ATP6V0A4: variants seen among roughly 807,000 people sequenced by gnomAD.
ATP6V0A4 encodes the protein V-type proton ATPase 116 kDa subunit a 4.
Under a neutral mutation model 107.3 loss-of-function variants are expected in ATP6V0A4, and 86 were observed. The observed-to-expected ratio is 0.80, with a 90% confidence interval of 0.67 to 0.96. The LOEUF is 0.96. ATP6V0A4 is among the 40% of genes least tolerant of loss of function. ATP6V0A4 has a pLI of 0.00. For missense variants in ATP6V0A4, 908 were observed against 1,045.6 expected (o/e 0.87, Z 1.81); for synonymous variants, 353 against 381.4 (o/e 0.93, Z 0.87).
chr7:138,754,454 A>AC (rs1199328400), intron 10 of ATP6V0A4, among the ~76,000 whole-genome samples: 2 of 151,612 alleles, frequency 1.3e-5, no homozygotes, highest in African/African-American at 4.8e-5. Flanking sequence ...ATCTCAAAAA[A>AC]AAAAAAAAAA....
At chr7:138,745,384 C>T in intron 13 of ATP6V0A4, 104 bp from the exon 14 acceptor site, 1 of 1,545,172 alleles carries the variant, frequency 6.5e-7, no homozygotes, top group Non-Finnish European at 8.9e-7. Flanking sequence ...TGCAGGCACC[C>T]TTGGGGGAGC....
At chr7:138,796,422 T>C (rs1808665455) in intron 1 of ATP6V0A4, among the ~76,000 whole-genome samples, 2 of 152,160 alleles carry the variant, frequency 1.3e-5, no homozygotes, top group Non-Finnish European at 2.9e-5. Context: ...TACACTCCAC[T>C]AGGAAATCTT....
intron 12 of ATP6V0A4, among the ~76,000 whole-genome samples, chr7:138,748,839 C>T (rs1260336205): frequency 6.6e-6 from 1 of 152,118 alleles, no homozygotes; most frequent in Admixed American, 6.5e-5. Context: ...CAAGATATGG[C>T]CCTCATTGTA....
chr7:138,760,056 CT>C, intron 7 of ATP6V0A4, 178 bp from the exon 8 acceptor site: 1 of 571,258 alleles, frequency 1.8e-6, no homozygotes, highest in South Asian at 7.6e-5. Flanking sequence ...CCAGCCCTGA[CT>C]TGCCCCAAGT....
intron 2 of ATP6V0A4, among the ~76,000 whole-genome samples, chr7:138,779,355 AAT>A (rs1452103373): frequency 1.3e-4 from 20 of 150,780 alleles, no homozygotes; most frequent in African/African-American, 3.9e-4. Context: ...CTTAAAAAAA[AAT>A]AAATAAATAA....
intron 2 of ATP6V0A4, among the ~76,000 whole-genome samples, chr7:138,777,226 C>G (rs1184140220): frequency 6.6e-6 from 1 of 151,992 alleles, no homozygotes; most frequent in Non-Finnish European, 1.5e-5. Context: ...CCCAAGTCTG[C>G]TGGGCCAATA....
At chr7:138,742,562 T>C (rs1805684980) in intron 14 of ATP6V0A4, among the ~76,000 whole-genome samples, 1 of 152,218 alleles carries the variant, frequency 6.6e-6, no homozygotes, top group African/African-American at 2.4e-5. Context: ...TCTTGCTCTA[T>C]TGCCAAGGCT....
At chr7:138,718,019 T>C (rs1234405503) in intron 19 of ATP6V0A4, among the ~76,000 whole-genome samples, 2 of 145,662 alleles carry the variant, frequency 1.4e-5, no homozygotes, top group African/African-American at 5.1e-5. Flanking sequence ...CACAGATGTC[T>C]GCGGAGGGAG....
At chr7:138,718,951 G>A (rs540926742) in intron 19 of ATP6V0A4, among the ~76,000 whole-genome samples, 3 of 152,012 alleles carry the variant, frequency 2.0e-5, no homozygotes, top group South Asian at 2.1e-4. Flanking sequence ...TTGGAAGGCC[G>A]AGGCATGAGG....
intron 15 of ATP6V0A4, among the ~76,000 whole-genome samples, chr7:138,737,571 T>C (rs983732507): frequency 2.3e-4 from 29 of 128,748 alleles, no homozygotes; most frequent in Admixed American, 2.2e-3. Context: ...ACTCCCGCTT[T>C]TCTTTTTCTT....
At chr7:138,757,309 G>A (rs1179653128) in intron 8 of ATP6V0A4, among the ~76,000 whole-genome samples, 1 of 151,938 alleles carries the variant, frequency 6.6e-6, no homozygotes, top group Non-Finnish European at 1.5e-5. Context: ...TGAGCCCAGG[G>A]GTTCAAGACC....
At chr7:138,712,119 A>G (rs1803775956) in intron 20 of ATP6V0A4, among the ~76,000 whole-genome samples, 1 of 151,920 alleles carries the variant, frequency 6.6e-6, no homozygotes, top group Non-Finnish European at 1.5e-5. Context: ...TTTAGTAGAG[A>G]GGGGGTTTTA....
intron 1 of ATP6V0A4, among the ~76,000 whole-genome samples, chr7:138,787,529 G>A (rs1320874791): frequency 6.6e-6 from 1 of 152,108 alleles, no homozygotes; most frequent in Non-Finnish European, 1.5e-5. Flanking sequence ...GTGCATACCT[G>A]TAGCCCGAGC....
Position 138,798,041 on chromosome 7 carries a change from AGGCACTC to A in ATP6V0A4, c.-135_-129del, listed in dbSNP as rs1325071624. ...AGGTGGGAGTCGACTCACCTGCAGC[AGGCACTC>A]GGCACAACTCCGCAGGACCGGCTCA... On this transcript the variant is annotated 5_prime_UTR_variant, in exon 1 of 22. Coordinates refer to ENST00000310018, the MANE Select transcript of ATP6V0A4 (RefSeq NM_020632.3). 1.3e-6 allele frequency: 2 copies of A among 1,556,184 alleles called. No homozygotes were observed. Among genetic ancestry groups the A allele is most frequent in the East Asian group, 2.4e-5 (1 of 41,352 alleles).
At chr7:138,797,320 C>T (rs1391068155) in intron 1 of ATP6V0A4, among the ~76,000 whole-genome samples, 2 of 149,046 alleles carry the variant, frequency 1.3e-5, no homozygotes, top group Non-Finnish European at 3.0e-5. Context: ...CGGGTTCAAG[C>T]GATTTTCCTG....
intron 5 of ATP6V0A4, among the ~76,000 whole-genome samples, chr7:138,765,237 C>T (rs1378832473): frequency 6.6e-6 from 1 of 152,134 alleles, no homozygotes; most frequent in Non-Finnish European, 1.5e-5. Flanking sequence ...CGCCCATCAT[C>T]CAGCTTCAGT....
intron 19 of ATP6V0A4, among the ~76,000 whole-genome samples, chr7:138,719,267 C>T (rs1348382689): frequency 6.6e-6 from 1 of 152,158 alleles, no homozygotes; most frequent in African/African-American, 2.4e-5. Context: ...AACCTCTAAA[C>T]CACTGGCATT....
intron 17 of ATP6V0A4, among the ~76,000 whole-genome samples, chr7:138,729,763 G>A (rs532431577): frequency 5.9e-5 from 9 of 152,314 alleles, no homozygotes; most frequent in African/African-American, 2.2e-4. Flanking sequence ...GAGCCTTCAC[G>A]TTTCTCCAAG....
In ATP6V0A4 at chr7:138,778,317, C is replaced by T. The variant is rs143033328; in HGVS notation, c.-17-7053G>A. Reference sequence around the variant, plus strand: ...CAAAGGTTGCAGTGAGCCAAGATCGCGCCACTGCACTCCAGCCTGGGCAAC... The same window carrying T: ...CAAAGGTTGCAGTGAGCCAAGATCGTGCCACTGCACTCCAGCCTGGGCAAC... On this transcript the variant is annotated intron_variant, in intron 2 of 21. Coordinates refer to ENST00000310018, the MANE Select transcript of ATP6V0A4 (RefSeq NM_020632.3). 3.2e-3 allele frequency among the ~76,000 whole-genome samples: 412 copies of T among 128,468 alleles called. 2 individuals carry two copies. Among genetic ancestry groups the T allele is most frequent in the African/African-American group, 0.011 (378 of 34,980 alleles). The allele number at this position is 128,468 out of a possible 152,430, so 84.3% of individuals were successfully genotyped here.
Sources: gnomAD v4.1 joint callset for allele counts (sites outside exome capture counted in the v4.1 genomes callset) on GRCh38, gnomAD v4.1.1 for gene constraint, MANE v1.5 for transcripts, NCBI Gene and HGNC (gene_info 2026-07-23, HGNC 2026-07-21) for gene names.